Variants in STX18 observed in about 807,000 individuals in gnomAD.
The protein encoded by STX18 is syntaxin-18.
STX18 carries 40 observed loss-of-function variants against 50.1 expected under a neutral mutation model. The observed-to-expected ratio is 0.80, with a 90% confidence interval of 0.62 to 1.04. STX18 has a LOEUF of 1.04. Among genes scored for constraint, STX18 ranks in the 50% least tolerant of loss-of-function variants. The probability of loss-of-function intolerance (pLI) is 0.00; values close to 1 mark genes in which losing one functional copy is unlikely to be tolerated. For missense variants in STX18, 410 were observed against 415.8 expected, an observed-to-expected ratio of 0.99 and a Z score of 0.12; for synonymous variants, 158 against 151.8, an observed-to-expected ratio of 1.04 and a Z score of -0.30.
At chr4:4,514,459 T>A (rs902075710) in intron 1 of STX18, among the ~76,000 whole-genome samples, 1 of 152,196 alleles carries the variant, frequency 6.6e-6, no homozygotes, top group African/African-American at 2.4e-5. Context: ...GAGTTATATG[T>A]TATTTAGATG....
chr4:4,430,116 T>C (rs569009222), intron 7 of STX18, among the ~76,000 whole-genome samples: 1 of 152,368 alleles, frequency 6.6e-6, no homozygotes, highest in South Asian at 2.1e-4. Context: ...TCATGAGTTA[T>C]ATAGGGAAAT....
At chr4:4,483,436 A>C (rs1184815357) in intron 1 of STX18, among the ~76,000 whole-genome samples, 1 of 152,154 alleles carries the variant, frequency 6.6e-6, no homozygotes, top group Non-Finnish European at 1.5e-5. Flanking sequence ...TTATGCACTC[A>C]ACTCTTCCTC....
chr4:4,512,593 A>G (rs1233370878), intron 1 of STX18, among the ~76,000 whole-genome samples: 1 of 152,210 alleles, frequency 6.6e-6, no homozygotes, highest in African/African-American at 2.4e-5. Context: ...CCATAGAGCA[A>G]ACAGCCAGGA....
At chr4:4,507,473 A>T (rs1729769048) in intron 1 of STX18, 1 of 762,054 alleles carries the variant, frequency 1.3e-6, no homozygotes, top group African/African-American at 1.7e-5. Flanking sequence ...AGTGGAAAGC[A>T]TATTATCTTT....
chr4:4,429,938 T>C (rs57160885), intron 7 of STX18, among the ~76,000 whole-genome samples: 4,323 of 152,278 alleles, frequency 0.028, 204 homozygotes, highest in African/African-American at 0.099. Flanking sequence ...TTAAAAAAAT[T>C]ATCCCAAGGA....
intron 1 of STX18, among the ~76,000 whole-genome samples, chr4:4,487,028 A>C (rs1289185842): frequency 1.3e-5 from 2 of 152,148 alleles, no homozygotes; most frequent in African/African-American, 2.4e-5. Context: ...ACAAAAACAA[A>C]AAACTTTCTG....
chr4:4,528,420 C>G (rs1337327950), intron 1 of STX18, among the ~76,000 whole-genome samples: 1 of 152,018 alleles, frequency 6.6e-6, no homozygotes, highest in Non-Finnish European at 1.5e-5. Flanking sequence ...TCTGGGACCT[C>G]CCCCTTCTCT....
At chr4:4,524,801 C>A (rs1463002378) in intron 1 of STX18, among the ~76,000 whole-genome samples, 1 of 152,174 alleles carries the variant, frequency 6.6e-6, no homozygotes, top group East Asian at 1.9e-4. Context: ...GTGTTGGATT[C>A]TCTGTAACTT....
intron 1 of STX18, among the ~76,000 whole-genome samples, chr4:4,518,301 AATT>A (rs1433128203): frequency 2.6e-5 from 4 of 152,232 alleles, no homozygotes; most frequent in African/African-American, 7.2e-5. Context: ...TGTTGTAGAA[AATT>A]ATTAACAATG....
intron 1 of STX18, among the ~76,000 whole-genome samples, chr4:4,485,360 T>A (rs149597830): frequency 6.6e-6 from 1 of 152,340 alleles, no homozygotes; most frequent in African/African-American, 2.4e-5. Context: ...TGAACTTTAG[T>A]GCATAAGGTG....
chr4:4,425,390 C>T, intron 7 of STX18, 168 bp from the exon 8 acceptor site: 2 of 630,510 alleles, frequency 3.2e-6, no homozygotes, highest in South Asian at 3.8e-5. Flanking sequence ...GAACAACGTC[C>T]CTGCTTTCAG....
intron 5 of STX18, among the ~76,000 whole-genome samples, chr4:4,452,649 A>G (rs1577335610): frequency 6.6e-6 from 1 of 152,338 alleles, no homozygotes; most frequent in South Asian, 2.1e-4. Context: ...GTAAGCCATG[A>G]CTGCCACTGC....
At chr4:4,469,940 G>A (rs1727828400) in intron 2 of STX18, among the ~76,000 whole-genome samples, 1 of 152,130 alleles carries the variant, frequency 6.6e-6, no homozygotes. Flanking sequence ...ACTACTCTGT[G>A]TAAGAATCAC....
At chr4:4,435,189 T>TA (rs1164346026) in intron 6 of STX18, among the ~76,000 whole-genome samples, 4 of 152,176 alleles carry the variant, frequency 2.6e-5, no homozygotes, top group Non-Finnish European at 5.9e-5. Flanking sequence ...GAATGAGTCT[T>TA]AAAGTATGTT....
chr4:4,527,744 G>C (rs373848231), intron 1 of STX18, among the ~76,000 whole-genome samples: 1 of 120,034 alleles, frequency 8.3e-6, no homozygotes, highest in African/African-American at 2.9e-5. Flanking sequence ...CTGTAATGCT[G>C]AGCCTAAGGA....
chr4:4,429,212 G>A (rs1270710500), intron 7 of STX18, among the ~76,000 whole-genome samples: 1 of 152,178 alleles, frequency 6.6e-6, no homozygotes, highest in East Asian at 1.9e-4. Context: ...AGGGCTCAGA[G>A]CAGTACTTGG....
intron 5 of STX18, among the ~76,000 whole-genome samples, chr4:4,448,577 A>T (rs1046750840): frequency 6.6e-6 from 1 of 152,256 alleles, no homozygotes; most frequent in African/African-American, 2.4e-5. Context: ...CCTGATCTCA[A>T]GTGATCCACC....
chr4:4,433,520 T>C (rs887671231), intron 7 of STX18, among the ~76,000 whole-genome samples: 7 of 51,256 alleles, frequency 1.4e-4, no homozygotes, highest in Non-Finnish European at 2.3e-4. Context: ...GAATGATCAA[T>C]AAAAAAAATA....
At chr4:4,484,528 T>TA (rs1474917950) in intron 1 of STX18, among the ~76,000 whole-genome samples, 2 of 152,134 alleles carry the variant, frequency 1.3e-5, no homozygotes, top group Non-Finnish European at 2.9e-5. Context: ...AAGACATCTA[T>TA]AATGAAAAAT....
Sources: gnomAD v4.1 joint callset for allele counts (sites outside exome capture counted in the v4.1 genomes callset) on GRCh38, gnomAD v4.1.1 for gene constraint, MANE v1.5 for transcripts, NCBI Gene and HGNC (gene_info 2026-07-23, HGNC 2026-07-21) for gene names.